The following PARD3 variants were observed in gnomAD, a reference collection of about 807,000 sequenced individuals.
The protein encoded by PARD3 is partitioning defective 3 homolog.
PARD3 carries 75 observed loss-of-function variants against 155.4 expected under a neutral mutation model. That is an observed-to-expected ratio of 0.48 (90% CI 0.40 to 0.58). The LOEUF is 0.58. Ranked by LOEUF, PARD3 falls within the 20% of genes least tolerant of loss-of-function variation. PARD3 has a pLI of 0.00. For missense variants in PARD3, 1,642 were observed against 1,721.7 expected, an observed-to-expected ratio of 0.95 and a Z score of 0.82; for synonymous variants, 576 against 610.5, an observed-to-expected ratio of 0.94 and a Z score of 0.83.
Position 34,227,856 on chromosome 10 carries a change from T to TATATATATATATATATATATA in PARD3, c.3419+41800_3419+41801insTATATATATATATATATATAT, listed in dbSNP as rs1554814034. ...TATTCCCAGTAATGGGAATTATTTTTTATATATATATATATATATATATAT... is the reference window on the plus strand; with the variant it reads ...TATTCCCAGTAATGGGAATTATTTTTATATATATATATATATATATATATATATATATATATATATATATAT... On this transcript the variant is annotated intron_variant, in intron 22 of 24. Transcript: ENST00000374788. Among the ~76,000 whole-genome samples, 250 of 82,178 alleles carry TATATATATATATATATATATA rather than the reference T, an allele frequency of 3.0e-3. 26 individuals carry two copies. The highest frequency in any genetic ancestry group is 0.01 in the African/African-American group (169 of 16,848). The allele number at this position is 82,178 out of a possible 152,430, so 53.9% of individuals were successfully genotyped here.
At chr10:34,562,668 G>C (rs2085594878) in intron 2 of PARD3, among the ~76,000 whole-genome samples, 1 of 151,992 alleles carries the variant, frequency 6.6e-6, no homozygotes, top group Non-Finnish European at 1.5e-5. Context: ...GCAAAACATA[G>C]TGTCAACCAA....
chr10:34,604,003 A>G (rs1049992281), intron 2 of PARD3, among the ~76,000 whole-genome samples: 1 of 152,138 alleles, frequency 6.6e-6, no homozygotes, highest in African/African-American at 2.4e-5. Context: ...AAAACCATCC[A>G]GTTTTCCCCC....
intron 22 of PARD3, among the ~76,000 whole-genome samples, chr10:34,237,630 A>G (rs544906385): frequency 2.6e-5 from 4 of 152,288 alleles, no homozygotes; most frequent in African/African-American, 4.8e-5. Flanking sequence ...GATTACATAA[A>G]CTATGAACAT....
chr10:34,544,297 C>T (rs1424248970), intron 2 of PARD3, among the ~76,000 whole-genome samples: 2 of 152,130 alleles, frequency 1.3e-5, no homozygotes, highest in African/African-American at 4.8e-5. Flanking sequence ...TAGGTATATA[C>T]TTAGATGCTA....
chr10:34,116,390 T>C (rs1334819827), intron 24 of PARD3, among the ~76,000 whole-genome samples: 1 of 152,258 alleles, frequency 6.6e-6, no homozygotes, highest in Non-Finnish European at 1.5e-5. Flanking sequence ...CAAAACTCTG[T>C]TAATTGTCAA....
chr10:34,150,312 G>T (rs1308610487), intron 22 of PARD3, among the ~76,000 whole-genome samples: 3 of 152,134 alleles, frequency 2.0e-5, no homozygotes, highest in Admixed American at 6.5e-5. Context: ...GGAGAGAAGT[G>T]AAACTGAAGA....
At chr10:34,751,539 T>A (rs980313760) in intron 1 of PARD3, among the ~76,000 whole-genome samples, 4 of 152,182 alleles carry the variant, frequency 2.6e-5, no homozygotes, top group Non-Finnish European at 4.4e-5. Context: ...CCACAGTGTA[T>A]CAGCCCTGGG....
At chr10:34,349,358 A>C (rs758637580) in intron 14 of PARD3, among the ~76,000 whole-genome samples, 1 of 152,136 alleles carries the variant, frequency 6.6e-6, no homozygotes, top group Non-Finnish European at 1.5e-5. Flanking sequence ...AGGCACATCA[A>C]ACTGCAGGAG....
At chr10:34,156,655 T>C (rs1949018415) in intron 22 of PARD3, among the ~76,000 whole-genome samples, 1 of 152,176 alleles carries the variant, frequency 6.6e-6, no homozygotes, top group African/African-American at 2.4e-5. Flanking sequence ...AAGTTCCTCA[T>C]GGTACCCCTA....
At chr10:34,536,686 A>G (rs1024002128) in intron 2 of PARD3, among the ~76,000 whole-genome samples, 1 of 152,176 alleles carries the variant, frequency 6.6e-6, no homozygotes, top group Non-Finnish European at 1.5e-5. Flanking sequence ...CCAGAATACA[A>G]TCACCAGTGT....
In PARD3 at chr10:34,372,558, A is replaced by G. The variant is rs371891867; in HGVS notation, c.1669-22T>C. The G allele has an allele frequency of 2.5e-6, 4 of 1,579,852 alleles. No individual in the cohort carries two copies. The African/African-American group carries it at 5.4e-5, about 21-fold the overall frequency. On this transcript the variant is annotated intron_variant, in intron 11 of 24. Transcript: ENST00000374788. Reference sequence around the variant, plus strand: ...CATTCTAGAAGAATTGAAGAAAAACATAAATACAGACTGACCAAAGCCATC... The same window carrying G: ...CATTCTAGAAGAATTGAAGAAAAACGTAAATACAGACTGACCAAAGCCATC...
At chr10:34,758,386 A>G (rs1837013868) in intron 1 of PARD3, among the ~76,000 whole-genome samples, 2 of 152,210 alleles carry the variant, frequency 1.3e-5, no homozygotes, top group Non-Finnish European at 2.9e-5. Context: ...ATTTTTCCAA[A>G]TAACACAGCT....
intron 1 of PARD3, among the ~76,000 whole-genome samples, chr10:34,766,809 G>T (rs993251451): frequency 2.0e-5 from 3 of 152,146 alleles, no homozygotes; most frequent in Admixed American, 6.5e-5. Flanking sequence ...GTGGTGTAAG[G>T]CATCTTTAAG....
chr10:34,530,088 T>C (rs911464462), intron 2 of PARD3, among the ~76,000 whole-genome samples: 5 of 152,144 alleles, frequency 3.3e-5, no homozygotes, highest in African/African-American at 7.2e-5. Context: ...AAGGTCTTCA[T>C]CGTCATCATC....
intron 22 of PARD3, among the ~76,000 whole-genome samples, chr10:34,207,351 T>C (rs573464823): frequency 4.2e-4 from 64 of 152,330 alleles, no homozygotes; most frequent in African/African-American, 1.5e-3. Flanking sequence ...ACCCTCACCC[T>C]AACTGCTGAG....
chr10:34,531,996 G>T (rs1425676820), intron 2 of PARD3, among the ~76,000 whole-genome samples: 5 of 150,584 alleles, frequency 3.3e-5, no homozygotes, highest in Non-Finnish European at 5.9e-5. Flanking sequence ...AGTAACAACA[G>T]GAGGGGGCTA....
intron 22 of PARD3, among the ~76,000 whole-genome samples, chr10:34,185,460 T>C (rs1373116340): frequency 2.0e-5 from 3 of 152,198 alleles, no homozygotes; most frequent in Non-Finnish European, 4.4e-5. Context: ...TTCATGTATA[T>C]TAAAAACAGA....
chr10:34,261,114 T>A (rs1311954015), intron 22 of PARD3, among the ~76,000 whole-genome samples: 1 of 152,210 alleles, frequency 6.6e-6, no homozygotes, highest in African/African-American at 2.4e-5. Context: ...ACAGTTCGTA[T>A]TTTATTCCCA....
chr10:34,561,709 G>C (rs558270133), intron 2 of PARD3, among the ~76,000 whole-genome samples: 37 of 151,590 alleles, frequency 2.4e-4, no homozygotes, highest in Non-Finnish European at 4.9e-4. Context: ...GTAGAGATGG[G>C]GTTTCTCCAC....
Sources: allele counts gnomAD v4.1 joint callset (sites outside exome capture counted in the v4.1 genomes callset), GRCh38; gene constraint gnomAD v4.1.1; transcripts MANE v1.5; gene names NCBI Gene and HGNC (gene_info 2026-07-23, HGNC 2026-07-21).